Variants in DMD observed in about 807,000 individuals in gnomAD.
The protein encoded by DMD is dystrophin.
Under a neutral mutation model 330.1 loss-of-function variants are expected in DMD, and 63 were observed. The observed-to-expected ratio is 0.19, with a 90% confidence interval of 0.16 to 0.24. The LOEUF (loss-of-function observed/expected upper bound fraction) is 0.24. Ranked by LOEUF, DMD falls within the 10% of genes least tolerant of loss-of-function variation. DMD has a pLI of 1.00. For missense variants in DMD, 3,344 were observed against 2,684.1 expected (o/e 1.25, Z -5.43); for synonymous variants, 1,223 against 959.8 (o/e 1.27, Z -5.07).
intron 52 of DMD, among the ~76,000 whole-genome samples, chrX:31,704,329 T>C (rs1401616243): frequency 9.0e-6 from 1 of 111,210 alleles, no homozygotes; most frequent in Non-Finnish European, 1.9e-5. Context: ...AAATCATAAC[T>C]ATACATCCAG....
At chrX:32,679,647 A>G (rs962881536) in intron 9 of DMD, among the ~76,000 whole-genome samples, 1 of 110,946 alleles carries the variant, frequency 9.0e-6, no homozygotes, top group Non-Finnish European at 1.9e-5. Flanking sequence ...GTGATGAAAA[A>G]GAAAAGGAAC....
intron 1 of DMD, among the ~76,000 whole-genome samples, chrX:33,058,220 A>T (rs1028825064): frequency 2.7e-5 from 3 of 111,531 alleles, no homozygotes; most frequent in Non-Finnish European, 5.7e-5. Context: ...GACACAAGTT[A>T]TATCAGGTTC....
intron 2 of DMD, among the ~76,000 whole-genome samples, chrX:32,932,484 C>T (rs2089673696): frequency 1.8e-5 from 2 of 111,208 alleles, no homozygotes; most frequent in South Asian, 7.5e-4. Context: ...GGTAAAAATG[C>T]AATAGGTTAT....
intron 2 of DMD, among the ~76,000 whole-genome samples, chrX:32,908,326 G>A (rs1305073777): frequency 9.0e-6 from 1 of 111,705 alleles, no homozygotes; most frequent in Non-Finnish European, 1.9e-5. Context: ...GCCATCATAT[G>A]GCTTGTAGTC....
At chrX:32,222,110 T>G (rs1055944029) in intron 43 of DMD, among the ~76,000 whole-genome samples, 2 of 112,153 alleles carry the variant, frequency 1.8e-5, no homozygotes, top group Non-Finnish European at 3.8e-5. Context: ...TAATCGGTAG[T>G]GAGATTTCCA....
chrX:32,801,673 G>A lies in DMD; in HGVS notation c.649+7820C>T, dbSNP rs533587371. ...CATTTAAGTCTTTAATCCATCTTGA[G>A]TTAATTTTTGTATAAGGGGTAAGGA... On this transcript the variant is annotated intron_variant, in intron 7 of 78. Coordinates refer to ENST00000357033, the MANE Select transcript of DMD (RefSeq NM_004006.3). Among the ~76,000 whole-genome samples the A allele has an allele frequency of 1.6e-4, 18 of 111,831 alleles. 1 individual carries two copies. In the South Asian group the frequency reaches 6.0e-3, roughly 37 times the overall value.
At chrX:32,567,390 G>A (rs774517091) in intron 15 of DMD, among the ~76,000 whole-genome samples, 1 of 111,551 alleles carries the variant, frequency 9.0e-6, no homozygotes, top group African/African-American at 3.2e-5. Context: ...TTTAGCAATA[G>A]GTAGGTGGTT....
rs950524920 is a variant in DMD at position 33,014,524 on chromosome X, A to G, written c.93+5615T>C. Among the ~76,000 whole-genome samples, 33 of 111,675 alleles carry G rather than the reference A, an allele frequency of 3.0e-4. 1 individual carries two copies. The highest frequency in any genetic ancestry group is 1.1e-3 in the African/African-American group (33 of 30,746). ...CACCAGTCAGATTGTTGGGGTTACT[A>G]GTTGCTGCAGGAACAGATTCAACCA... On this transcript the variant is annotated intron_variant, in intron 2 of 78. Coordinates refer to ENST00000357033, the MANE Select transcript of DMD (RefSeq NM_004006.3).
chrX:32,991,391 C>A (rs73468840), intron 2 of DMD, among the ~76,000 whole-genome samples: 1 of 111,441 alleles, frequency 9.0e-6, no homozygotes, highest in African/African-American at 3.2e-5. Flanking sequence ...AAGAGCTAAA[C>A]CAGCATTGTC....
At chrX:33,047,058 G>A (rs2094392736) in intron 1 of DMD, among the ~76,000 whole-genome samples, 1 of 111,795 alleles carries the variant, frequency 8.9e-6, no homozygotes, top group Non-Finnish European at 1.9e-5. Flanking sequence ...TGTAAGAGAG[G>A]TACTTCTCTT....
chrX:31,319,002 A>C (rs2056236577), intron 62 of DMD, among the ~76,000 whole-genome samples: 1 of 112,306 alleles, frequency 8.9e-6, no homozygotes. Context: ...CAGAAAACCA[A>C]CCTTCGGCTA....
chrX:32,836,980 G>T (rs2079701310), intron 4 of DMD, among the ~76,000 whole-genome samples: 1 of 111,126 alleles, frequency 9.0e-6, no homozygotes. Context: ...TTCTGGCTCT[G>T]GTTGTCTCCA....
chrX:31,955,179 A>T (rs914492792), intron 45 of DMD, among the ~76,000 whole-genome samples: 8 of 111,390 alleles, frequency 7.2e-5, no homozygotes, highest in African/African-American at 2.6e-4. Context: ...CCCATCTCAA[A>T]AAAGAAAGTT....
At chrX:31,128,950 A>G (rs190981649) in intron 77 of DMD, among the ~76,000 whole-genome samples, 2 of 112,428 alleles carry the variant, frequency 1.8e-5, no homozygotes, top group Admixed American at 1.9e-4. Context: ...CGATAAATAA[A>G]GTTTCAGATA....
chrX:32,720,539 A>G (rs1363597110), intron 7 of DMD, among the ~76,000 whole-genome samples: 1 of 111,679 alleles, frequency 9.0e-6, no homozygotes. Context: ...TCCTAAATTT[A>G]TTATCTTGGT....
intron 60 of DMD, among the ~76,000 whole-genome samples, chrX:31,440,338 G>A (rs529084888): frequency 3.0e-5 from 3 of 99,464 alleles, no homozygotes; most frequent in Admixed American, 1.1e-4. Context: ...GTAGTGATGG[G>A]GTTTCACTAT....
At chrX:31,635,075 T>C (rs1217680345) in intron 54 of DMD, among the ~76,000 whole-genome samples, 1 of 111,616 alleles carries the variant, frequency 9.0e-6, no homozygotes, top group Non-Finnish European at 1.9e-5. Flanking sequence ...GTTTGGTTAA[T>C]ATACAGAGAC....
chrX:32,557,458 C>A (rs775488888), intron 16 of DMD, among the ~76,000 whole-genome samples: 1 of 111,833 alleles, frequency 8.9e-6, no homozygotes, highest in Non-Finnish European at 1.9e-5. Flanking sequence ...AAATACACTA[C>A]ACACACACAA....
intron 44 of DMD, among the ~76,000 whole-genome samples, chrX:32,046,310 G>T (rs2096064329): frequency 8.9e-6 from 1 of 112,314 alleles, no homozygotes; most frequent in African/African-American, 3.2e-5. Flanking sequence ...GAAGAACATG[G>T]ATTCCATTAA....
Sources: allele counts gnomAD v4.1 joint callset (sites outside exome capture counted in the v4.1 genomes callset), GRCh38; gene constraint gnomAD v4.1.1; transcripts MANE v1.5; gene names NCBI Gene and HGNC (gene_info 2026-07-23, HGNC 2026-07-21).